Variants in AUTS2 observed in about 807,000 individuals in gnomAD.
AUTS2 encodes the protein activator of transcription and developmental regulator AUTS2, also known as autism susceptibility gene 2 protein.
Under a neutral mutation model 112.4 loss-of-function variants are expected in AUTS2, and 17 were observed. The ratio of observed to expected loss-of-function variants is 0.15; its 90% CI spans 0.10 to 0.23. The LOEUF (loss-of-function observed/expected upper bound fraction) is 0.23. Among genes scored for constraint, AUTS2 ranks in the 10% least tolerant of loss-of-function variants. The pLI, the probability that AUTS2 is intolerant of heterozygous loss-of-function variation, is 1.00. For synonymous variants in AUTS2, 751 were observed against 702.7 expected, an observed-to-expected ratio of 1.07 and a Z score of -1.09; for missense variants, 1,510 against 1,701.6, an observed-to-expected ratio of 0.89 and a Z score of 1.98.
At chr7:69,748,178 G>A (rs1327098404) in intron 1 of AUTS2, among the ~76,000 whole-genome samples, 1 of 152,036 alleles carries the variant, frequency 6.6e-6, no homozygotes, top group African/African-American at 2.4e-5. Flanking sequence ...ACAGCTTACT[G>A]TGTTTGCAAT....
chr7:69,641,363 G>T (rs1328601190), intron 1 of AUTS2, among the ~76,000 whole-genome samples: 1 of 151,468 alleles, frequency 6.6e-6, no homozygotes, highest in Non-Finnish European at 1.5e-5. Context: ...TCATGCTTTC[G>T]CTGATCCAGA....
At chr7:70,698,824 T>C (rs1809284557) in intron 6 of AUTS2, 4 of 455,856 alleles carry the variant, frequency 8.8e-6, no homozygotes, top group Non-Finnish European at 1.2e-5. Context: ...AAAGAATACA[T>C]TGAGTCCCTA....
At chr7:69,747,003 T>G (rs1295281971) in intron 1 of AUTS2, among the ~76,000 whole-genome samples, 2 of 152,124 alleles carry the variant, frequency 1.3e-5, no homozygotes, top group East Asian at 3.9e-4. Flanking sequence ...TGTGTTTGAG[T>G]GTCGGAAAGA....
chr7:70,008,125 A>AAAAAC (rs1371516966), intron 2 of AUTS2, among the ~76,000 whole-genome samples: 22 of 152,300 alleles, frequency 1.4e-4, no homozygotes, highest in African/African-American at 5.3e-4. Context: ...GTGTTTGTTT[A>AAAAAC]AAACATGTCT....
At chr7:70,648,572 G>A (rs759464774) in intron 5 of AUTS2, among the ~76,000 whole-genome samples, 47 of 152,174 alleles carry the variant, frequency 3.1e-4, no homozygotes, top group Middle Eastern at 6.8e-3. Context: ...TTTGGTTTTT[G>A]GTTTTTTGTT....
chr7:70,592,990 C>G (rs1390555513), intron 5 of AUTS2, among the ~76,000 whole-genome samples: 1 of 151,826 alleles, frequency 6.6e-6, no homozygotes, highest in Admixed American at 6.6e-5. Context: ...GCTGGGACTA[C>G]GGGCACAATC....
chr7:69,909,614 C>T (rs1399397484), intron 2 of AUTS2, among the ~76,000 whole-genome samples: 1 of 152,102 alleles, frequency 6.6e-6, no homozygotes, highest in Non-Finnish European at 1.5e-5. Context: ...TCATTACCAG[C>T]AAAGCTTCAG....
At chr7:70,643,170 A>G (rs372355954) in intron 5 of AUTS2, among the ~76,000 whole-genome samples, 2 of 152,358 alleles carry the variant, frequency 1.3e-5, no homozygotes, top group African/African-American at 4.8e-5. Context: ...TTGCATGACA[A>G]TGATACTGGA....
At chr7:69,717,746 A>G (rs1158577332) in intron 1 of AUTS2, among the ~76,000 whole-genome samples, 1 of 152,092 alleles carries the variant, frequency 6.6e-6, no homozygotes, top group African/African-American at 2.4e-5. Context: ...GGGAAAACAA[A>G]TGATTGGAAA....
At chr7:70,768,128 G>C in intron 10 of AUTS2, 60 bp downstream of exon 10, 27 of 1,495,596 alleles carry the variant, frequency 1.8e-5, no homozygotes, top group Non-Finnish European at 2.4e-5. Flanking sequence ...TTGTGCTCTT[G>C]CCACAGATCA....
At chr7:69,617,803 T>G (rs1793458773) in intron 1 of AUTS2, among the ~76,000 whole-genome samples, 2 of 152,184 alleles carry the variant, frequency 1.3e-5, no homozygotes, top group Admixed American at 1.3e-4. Context: ...TGTGTCTCCT[T>G]TCCTGTTAGT....
intron 2 of AUTS2, among the ~76,000 whole-genome samples, chr7:70,080,680 T>C (rs1356649460): frequency 1.3e-5 from 2 of 152,154 alleles, no homozygotes; most frequent in African/African-American, 4.8e-5. Flanking sequence ...ACAATCCAAA[T>C]GAGAATGTAG....
intron 2 of AUTS2, among the ~76,000 whole-genome samples, chr7:69,975,405 G>C (rs1191582170): frequency 6.6e-6 from 1 of 151,944 alleles, no homozygotes; most frequent in Non-Finnish European, 1.5e-5. Flanking sequence ...TGCCAAATTT[G>C]AGAATTTTCA....
chr7:69,741,808 C>T (rs992900694), intron 1 of AUTS2, among the ~76,000 whole-genome samples: 2 of 151,242 alleles, frequency 1.3e-5, no homozygotes. Context: ...ATTTGTTTTG[C>T]CTTTTTTTTT....
At chr7:69,619,571 G>A (rs1793557924) in intron 1 of AUTS2, among the ~76,000 whole-genome samples, 1 of 152,178 alleles carries the variant, frequency 6.6e-6, no homozygotes, top group Non-Finnish European at 1.5e-5. Flanking sequence ...TCAGTTCTGT[G>A]TGGACACGTC....
chr7:70,444,078 G>C (rs1021759352), intron 5 of AUTS2, among the ~76,000 whole-genome samples: 2 of 152,182 alleles, frequency 1.3e-5, no homozygotes, highest in Admixed American at 6.5e-5. Flanking sequence ...TGAAGGGAAA[G>C]TTGTAAAGCC....
chr7:69,778,629 A>G (rs2129309852), intron 1 of AUTS2, among the ~76,000 whole-genome samples: 1 of 152,292 alleles, frequency 6.6e-6, no homozygotes, highest in Middle Eastern at 3.4e-3. Context: ...GCCTGATCTT[A>G]AAGAATGATA....
At chr7:69,763,514 T>G (rs957426246) in intron 1 of AUTS2, among the ~76,000 whole-genome samples, 1 of 152,220 alleles carries the variant, frequency 6.6e-6, no homozygotes, top group African/African-American at 2.4e-5. Flanking sequence ...CTAGTACATC[T>G]TTCCTGACTA....
chr7:70,786,597 G>A (rs941477134), intron 17 of AUTS2, among the ~76,000 whole-genome samples: 11 of 152,062 alleles, frequency 7.2e-5, no homozygotes, highest in African/African-American at 2.2e-4. Context: ...CCCATCTCAC[G>A]TTCTAAACAT....
Sources: gnomAD v4.1 joint callset for allele counts (sites outside exome capture counted in the v4.1 genomes callset) on GRCh38, gnomAD v4.1.1 for gene constraint, MANE v1.5 for transcripts, NCBI Gene and HGNC (gene_info 2026-07-23, HGNC 2026-07-21) for gene names.